The following ANKS1A variants were observed in gnomAD, a reference collection of about 807,000 sequenced individuals.
ANKS1A encodes the protein ankyrin repeat and sterile alpha motif domain containing 1A.
ANKS1A carries 55 observed loss-of-function variants against 120.3 expected under a neutral mutation model. That is an observed-to-expected ratio of 0.46 (90% CI 0.37 to 0.57). The LOEUF is 0.57. Among genes scored for constraint, ANKS1A ranks in the 20% least tolerant of loss-of-function variants. The pLI is 0.00. For synonymous variants in ANKS1A, 590 were observed against 604.7 expected, an observed-to-expected ratio of 0.98 and a Z score of 0.36; for missense variants, 1,123 against 1,480.3, an observed-to-expected ratio of 0.76 and a Z score of 3.96.
chr6:35,003,219 C>T (rs1773260878), intron 10 of ANKS1A, among the ~76,000 whole-genome samples: 1 of 152,134 alleles, frequency 6.6e-6, no homozygotes, highest in South Asian at 2.1e-4. Flanking sequence ...TACTTAGGCA[C>T]TAGACAGCTC....
chr6:35,071,439 C>T (rs180685609), intron 13 of ANKS1A, among the ~76,000 whole-genome samples: 65 of 152,216 alleles, frequency 4.3e-4, no homozygotes, highest in Non-Finnish European at 7.2e-4. Flanking sequence ...CTACAGAGTC[C>T]GCTGGGTCAG....
intron 12 of ANKS1A, among the ~76,000 whole-genome samples, chr6:35,054,597 G>A (rs1195598267): frequency 6.6e-6 from 1 of 152,202 alleles, no homozygotes; most frequent in African/African-American, 2.4e-5. Flanking sequence ...TAGCATGCAT[G>A]TGAATTGCCT....
chr6:34,953,772 A>T (rs890140722), intron 1 of ANKS1A, among the ~76,000 whole-genome samples: 24 of 152,140 alleles, frequency 1.6e-4, no homozygotes, highest in Admixed American at 2.6e-4. Context: ...AGGGGGCACA[A>T]GACAGGCACA....
chr6:34,929,725 T>C (rs1419249615), intron 1 of ANKS1A, among the ~76,000 whole-genome samples: 1 of 152,066 alleles, frequency 6.6e-6, no homozygotes, highest in Non-Finnish European at 1.5e-5. Flanking sequence ...AGGTCTTTCC[T>C]TTCTTTCCTT....
chr6:35,060,122 C>A lies in ANKS1A; in HGVS notation c.2078-25C>A. On this transcript the variant is annotated intron_variant, in intron 12 of 23. Transcript: ENST00000360359. This position sits in a 1 kb window ranked among gnomAD's most constrained non-coding sequence, Gnocchi z 4.5. ...CCTTAATGGTTTTTCCCTTTTCAAG[C>A]GTCTGCCGATTCCTCTCTCATCAGG... is the stretch of plus-strand genomic sequence containing the variant. The A allele has an allele frequency of 6.3e-7, 1 of 1,594,240 alleles. No homozygotes were observed. Among genetic ancestry groups the A allele is most frequent in the Non-Finnish European group, 8.6e-7 (1 of 1,165,274 alleles).
rs953638097 is a variant in ANKS1A at position 35,058,060 on chromosome 6, G to C, written c.2078-2087G>C. On this transcript the variant is annotated intron_variant, in intron 12 of 23. Transcript: ENST00000360359. The surrounding 1 kb of genome is among the most constrained non-coding windows in gnomAD (Gnocchi z 5.1). ...TCTGTCATTTCGCTCTGATGCTAGT[G>C]CTGCTGTCTCCTTCTCCCTCAGCAG... Among the ~76,000 whole-genome samples the C allele has an allele frequency of 3.3e-5, 5 of 152,212 alleles. No homozygotes were observed. The highest frequency in any genetic ancestry group is 7.4e-5 in the Non-Finnish European group (5 of 68,020).
In ANKS1A at chr6:35,085,726, C is replaced by G. The variant is rs1777930613; in HGVS notation, c.3133-40C>G. 1.3e-6 allele frequency: 2 copies of G among 1,541,996 alleles called. No homozygotes were observed. Among genetic ancestry groups the G allele is most frequent in the Non-Finnish European group, 1.7e-6 (2 of 1,144,770 alleles). On this transcript the variant is annotated intron_variant, in intron 21 of 23. Transcript: ENST00000360359. This position sits in a 1 kb window ranked among gnomAD's most constrained non-coding sequence, Gnocchi z 4.7. ...AGGGCATATCCAGTGTGAAGCGGCT[C>G]CTGAACCAGGTGCTTAAGTGGTGAT...
rs553307964 is a variant in ANKS1A at position 35,065,902 on chromosome 6, C to T, written c.2184+5649C>T. 5.3e-5 allele frequency among the ~76,000 whole-genome samples: 8 copies of T among 152,334 alleles called. No homozygotes were observed. In the South Asian group the frequency reaches 1.2e-3, roughly 24 times the overall value. ...GTGCAGCCACCACCACTGCCTGGCC[C>T]GTTGCTTCTACCCGCCTCCTCCCCA... is the stretch of plus-strand genomic sequence containing the variant. On this transcript the variant is annotated intron_variant, in intron 13 of 23. Transcript: ENST00000360359.
rs1432370005 is a variant in ANKS1A at position 35,044,469 on chromosome 6, A to G, written c.2011-9630A>G. ...CCAGCTCTGTCTGAGGTGAGGGAGT[A>G]GAGGCAGGCCCACAGCCTGCATGAG... On this transcript the variant is annotated intron_variant, in intron 11 of 23. Transcript: ENST00000360359. The surrounding 1 kb of genome is among the most constrained non-coding windows in gnomAD (Gnocchi z 4.4). Among the ~76,000 whole-genome samples the G allele has an allele frequency of 1.3e-5, 2 of 152,234 alleles. No individual in the cohort carries two copies. Among genetic ancestry groups the G allele is most frequent in the South Asian group, 2.1e-4 (1 of 4,828 alleles).
intron 10 of ANKS1A, among the ~76,000 whole-genome samples, chr6:35,006,294 T>C (rs895384361): frequency 6.6e-5 from 10 of 150,540 alleles, no homozygotes; most frequent in African/African-American, 2.4e-4. Flanking sequence ...AGGAGGCGCC[T>C]CTTTTTTGAG....
rs1043707370 is a variant in ANKS1A, at chr6:34,898,906, AGTTT to A, written c.197+9312_197+9315del. 8.8e-4 allele frequency among the ~76,000 whole-genome samples: 134 copies of A among 152,204 alleles called. 1 individual carries two copies. Among genetic ancestry groups the A allele is most frequent in the Middle Eastern group, 6.8e-3 (2 of 294 alleles). The stretch of plus-strand genomic sequence containing the variant: ...AACCCCTTTCCTGACATGGAACATG[AGTTT>A]GTTTTTCGTTTTTTGCTATTAGAAC... On this transcript the variant is annotated intron_variant, in intron 1 of 23. Coordinates refer to ENST00000360359, the MANE Select transcript of ANKS1A (RefSeq NM_015245.3).
At chr6:35,072,699 T>TC (rs1229658582) in intron 13 of ANKS1A, among the ~76,000 whole-genome samples, 1 of 152,136 alleles carries the variant, frequency 6.6e-6, no homozygotes, top group Non-Finnish European at 1.5e-5. Flanking sequence ...CAGTGTCCCT[T>TC]CCCCGAGAGG....
intron 10 of ANKS1A, among the ~76,000 whole-genome samples, chr6:34,997,231 C>G (rs1424357051): frequency 1.5e-5 from 2 of 130,268 alleles, no homozygotes; most frequent in Non-Finnish European, 3.1e-5. Flanking sequence ...GAGTCTTGCT[C>G]TGTTGCCCAG....
Position 34,978,131 on chromosome 6 carries a change from G to A in ANKS1A, c.436-3559G>A, listed in dbSNP as rs139737928. On this transcript the variant is annotated intron_variant, in intron 3 of 23. Coordinates refer to ENST00000360359, the MANE Select transcript of ANKS1A (RefSeq NM_015245.3). ...GCACCACCACACCCAGCTAATTTTT[G>A]TATTTTTGGTGGAGACAGGGTTTCA... Among the ~76,000 whole-genome samples the A allele has an allele frequency of 7.3e-3, 1,117 of 152,136 alleles. 21 individuals are homozygous for A. Among genetic ancestry groups the A allele is most frequent in the African/African-American group, 0.026 (1,061 of 41,518 alleles).
chr6:35,022,511 T>C (rs938424325), intron 11 of ANKS1A, among the ~76,000 whole-genome samples: 2 of 151,932 alleles, frequency 1.3e-5, no homozygotes, highest in African/African-American at 4.8e-5. Flanking sequence ...CTCCCTATTT[T>C]CTATTGTATT....
rs113644325 is a variant in ANKS1A at position 35,077,070 on chromosome 6, T to C, written c.2185-1488T>C. The stretch of plus-strand genomic sequence containing the variant: ...GAGATGATCCTACTCCGATAAGAAA[T>C]GTGCAAATTGAAACTGCAGGGAGAC... On this transcript the variant is annotated intron_variant, in intron 13 of 23. Coordinates refer to ENST00000360359, the MANE Select transcript of ANKS1A (RefSeq NM_015245.3). 9.6e-3 allele frequency among the ~76,000 whole-genome samples: 1,457 copies of C among 152,260 alleles called. 8 individuals are homozygous for C. The highest frequency in any genetic ancestry group is 0.035 in the South Asian group (168 of 4,822).
chr6:34,960,936 G>A (rs540092457), intron 1 of ANKS1A, among the ~76,000 whole-genome samples: 1 of 152,308 alleles, frequency 6.6e-6, no homozygotes, highest in South Asian at 2.1e-4. Context: ...TGGCGGAGGC[G>A]AGTTTTGAAG....
intron 1 of ANKS1A, among the ~76,000 whole-genome samples, chr6:34,957,955 C>A (rs777646310): frequency 1.3e-5 from 2 of 152,150 alleles, no homozygotes; most frequent in African/African-American, 2.4e-5. Context: ...TGATAGTATG[C>A]TTGTAAGAGT....
chr6:35,020,844 A>G (rs1774298841), intron 11 of ANKS1A, among the ~76,000 whole-genome samples: 1 of 152,190 alleles, frequency 6.6e-6, no homozygotes, highest in Non-Finnish European at 1.5e-5. Flanking sequence ...AGGGATCTAC[A>G]TCTATCCAAG....
Sources: gnomAD v4.1 joint callset for allele counts (sites outside exome capture counted in the v4.1 genomes callset) on GRCh38, gnomAD v4.1.1 for gene constraint, Gnocchi (gnomAD v3.1) non-coding constraint, MANE v1.5 for transcripts, NCBI Gene and HGNC (gene_info 2026-07-23, HGNC 2026-07-21) for gene names.